Variants in EDN1 observed in about 807,000 individuals in gnomAD.
EDN1 encodes endothelin-1.
A neutral mutation model predicts 21.7 loss-of-function variants in EDN1; 11 were observed. The observed-to-expected ratio is 0.51, with a 90% CI of 0.32 to 0.84. The LOEUF (loss-of-function observed/expected upper bound fraction) is 0.84. Ranked by LOEUF, EDN1 falls within the 40% of genes least tolerant of loss-of-function variation. EDN1 has a pLI of 0.03. For synonymous variants in EDN1, 85 were observed against 90.6 expected (o/e 0.94, Z 0.35); for missense variants, 244 against 262.3 (o/e 0.93, Z 0.48).
chr6:12,233,311 A>G, the EDN1 span, among the ~76,000 whole-genome samples: 1 of 152,202 alleles, frequency 6.6e-6, no homozygotes, highest in Non-Finnish European at 1.5e-5. Context: ...CTAAATGTTC[A>G]TGGATGGAGA....
At chr6:12,267,905 C>A in the EDN1 span, among the ~76,000 whole-genome samples, 1 of 152,180 alleles carries the variant, frequency 6.6e-6, no homozygotes, top group African/African-American at 2.4e-5. Context: ...TTTACCATTC[C>A]AAAAATCCTA....
At chr6:12,247,536 C>CTTTTTTTTTTTTTTTTTTT in the EDN1 span, among the ~76,000 whole-genome samples, 13 of 97,752 alleles carry the variant, frequency 1.3e-4, no homozygotes, top group Admixed American at 2.3e-4. Context: ...TTCTTTCTTT[C>CTTTTTTTTTTTTTTTTTTT]TTTTTTTTTT....
chr6:12,255,363 C>T, the EDN1 span, among the ~76,000 whole-genome samples: 1 of 152,080 alleles, frequency 6.6e-6, no homozygotes, highest in African/African-American at 2.4e-5. Context: ...AATTATAAAG[C>T]TCATAAAGTC....
chr6:12,264,099 C>T, the EDN1 span, among the ~76,000 whole-genome samples: 246 of 152,210 alleles, frequency 1.6e-3, no homozygotes, highest in African/African-American at 5.4e-3. Flanking sequence ...AATTAATAGG[C>T]ATGTAAGCTT....
At chr6:12,255,689 CTATT>C in the EDN1 span, among the ~76,000 whole-genome samples, 1 of 152,206 alleles carries the variant, frequency 6.6e-6, no homozygotes, top group South Asian at 2.1e-4. Context: ...GATCATGTGA[CTATT>C]TAGGTTACCA....
the EDN1 span, among the ~76,000 whole-genome samples, chr6:12,249,703 G>A: frequency 2.0e-5 from 3 of 152,158 alleles, no homozygotes; most frequent in Admixed American, 1.3e-4. Flanking sequence ...CTGGAGTGAA[G>A]GAAAGGCATT....
chr6:12,270,865 C>A, the EDN1 span, among the ~76,000 whole-genome samples: 1 of 152,304 alleles, frequency 6.6e-6, no homozygotes, highest in East Asian at 1.9e-4. Context: ...TTGCTGAAAG[C>A]AGGGTGTTGA....
At chr6:12,287,748 A>AGG, upstream of EDN1, among the ~76,000 whole-genome samples, 1 of 119,476 alleles carries the variant, frequency 8.4e-6, no homozygotes, top group Non-Finnish European at 1.7e-5. Context: ...ACACACACAC[A>AGG]CACACAGGCG....
the EDN1 span, among the ~76,000 whole-genome samples, chr6:12,230,642 G>A: frequency 7.9e-5 from 12 of 152,164 alleles, no homozygotes; most frequent in African/African-American, 2.7e-4. Flanking sequence ...GGGCTGAAAC[G>A]AGAAGGCCTA....
chr6:12,250,788 A>G, the EDN1 span, among the ~76,000 whole-genome samples: 1 of 152,222 alleles, frequency 6.6e-6, no homozygotes, highest in Non-Finnish European at 1.5e-5. Flanking sequence ...TCCCTTTAGG[A>G]GATGGGAGTT....
chr6:12,258,448 T>TAA, the EDN1 span, among the ~76,000 whole-genome samples: 16 of 27,740 alleles, frequency 5.8e-4, no homozygotes, highest in African/African-American at 1.0e-3. Flanking sequence ...AGATCATGTC[T>TAA]CAAAAAAAAA....
At chr6:12,246,795 ACT>A in the EDN1 span, among the ~76,000 whole-genome samples, 1 of 151,524 alleles carries the variant, frequency 6.6e-6, no homozygotes, top group Non-Finnish European at 1.5e-5. Flanking sequence ...TCCCAGTAAC[ACT>A]CTCATCCGTT....
At chr6:12,289,745 G>A (rs1762627081), upstream of EDN1, among the ~76,000 whole-genome samples, 2 of 152,130 alleles carry the variant, frequency 1.3e-5, no homozygotes, top group African/African-American at 4.8e-5. Flanking sequence ...TCCCTTTCTT[G>A]CCAATCCCTC....
At chr6:12,264,632 C>CA in the EDN1 span, among the ~76,000 whole-genome samples, 2 of 151,870 alleles carry the variant, frequency 1.3e-5, no homozygotes, top group East Asian at 3.9e-4. Flanking sequence ...AAAAAAATTG[C>CA]AAAAAAACTC....
intron 2 of EDN1, 71 bp from the exon 3 acceptor site, chr6:12,293,870 G>A (rs1320114655): frequency 7.4e-5 from 115 of 1,553,594 alleles, no homozygotes; most frequent in Non-Finnish European, 9.9e-5. Flanking sequence ...CAGTGGAATA[G>A]GTGTGTCCAT....
the EDN1 span, among the ~76,000 whole-genome samples, chr6:12,233,459 G>A: frequency 6.6e-6 from 1 of 152,176 alleles, no homozygotes; most frequent in African/African-American, 2.4e-5. Flanking sequence ...CCAAGGTCAT[G>A]TCCAGGTAGC....
chr6:12,258,449 C>CAAAAAAAAAAAAAA, the EDN1 span, among the ~76,000 whole-genome samples: 52 of 63,672 alleles, frequency 8.2e-4, 6 homozygotes, highest in African/African-American at 2.3e-3. Flanking sequence ...GATCATGTCT[C>CAAAAAAAAAAAAAA]AAAAAAAAAA....
chr6:12,241,941 C>A, the EDN1 span, among the ~76,000 whole-genome samples: 1 of 152,154 alleles, frequency 6.6e-6, no homozygotes. Flanking sequence ...CAGGCTGCAC[C>A]CATCTTTACT....
chr6:12,267,689 A>T, the EDN1 span, among the ~76,000 whole-genome samples: 2 of 152,198 alleles, frequency 1.3e-5, no homozygotes, highest in East Asian at 1.9e-4. Flanking sequence ...TTATCCAGAG[A>T]TCTACTTAAG....
Sources: allele counts gnomAD v4.1 joint callset (sites outside exome capture counted in the v4.1 genomes callset), GRCh38; gene constraint gnomAD v4.1.1; transcripts MANE v1.5; gene names NCBI Gene and HGNC (gene_info 2026-07-23, HGNC 2026-07-21).